Variants in CSF2 observed in about 807,000 individuals in gnomAD.
CSF2 encodes granulocyte-macrophage colony-stimulating factor.
In CSF2, 2 loss-of-function variants were observed where a neutral mutation model predicts 13.5. The observed-to-expected ratio is 0.15, with a 90% CI of 0.06 to 0.47. The LOEUF is 0.47. Among genes scored for constraint, CSF2 ranks in the 20% least tolerant of loss-of-function variants. The probability of loss-of-function intolerance (pLI) is 0.97; values close to 1 mark genes in which losing one functional copy is unlikely to be tolerated. For missense variants in CSF2, 141 were observed against 179.7 expected (o/e 0.78, Z 1.23); for synonymous variants, 66 against 69.2 (o/e 0.95, Z 0.23).
In CSF2 at chr5:132,075,750, T is replaced by A; in HGVS notation, c.333T>A (p.Thr111=). 6.2e-7 allele frequency: 1 copy of A among 1,606,986 alleles called. No homozygotes were observed. Among genetic ancestry groups the A allele is most frequent in the South Asian group, 1.1e-5 (1 of 91,050 alleles). The part of the protein sequence containing the change: ...YKQHCPPTPE[T]SCATQIITFE... ...TTATTTTTCTTTTTTTAAAGGAAAC[T>A]TCCTGTGCAACCCAGATTATCACCT... is the stretch of plus-strand genomic sequence containing the variant. The change falls in exon 4 of 4, where the codon ACT becomes ACA. Residue 111 remains threonine, a synonymous_variant. Coordinates refer to ENST00000296871, the MANE Select transcript of CSF2 (RefSeq NM_000758.4).
intron 3 of CSF2, 36 bp from the exon 4 acceptor site, chr5:132,075,709 T>G: frequency 6.6e-7 from 1 of 1,515,074 alleles, no homozygotes; most frequent in South Asian, 1.1e-5. Flanking sequence ...CCCACTTGCC[T>G]GGACTCAAGT....
chr5:132,075,893 CT>C lies in CSF2; in HGVS notation c.*42del, dbSNP rs780237469. ...GCTGGCCAAGCCGGGGAGCTGCTCT[CT>C]CATGAAACAAGAGCTAGAAACTCAG... On this transcript the variant is annotated 3_prime_UTR_variant, in exon 4 of 4. Transcript: ENST00000296871. 84 of 1,447,890 alleles carry C rather than the reference CT, an allele frequency of 5.8e-5. No individual in the cohort carries two copies. The African/African-American group carries it at 9.6e-4, about 17-fold the overall frequency. The allele number at this position is 1,447,890 out of a possible 1,614,324, so 89.7% of individuals were successfully genotyped here.
At position 132,074,904 on chromosome 5, in the gene CSF2, G is replaced by A. The variant is rs1561836307; in HGVS notation, c.296G>A (p.Ser99Asn). The A allele has an allele frequency of 1.2e-6, 2 of 1,613,616 alleles. No individual in the cohort carries two copies. Among genetic ancestry groups the A allele is most frequent in the Middle Eastern group, 1.7e-4 (1 of 6,050 alleles). ...AAGGGCCCCTTGACCATGATGGCCAGCCACTACAAGCAGCACTGCCCTCCA... is the reference window on the plus strand; with the variant it reads ...AAGGGCCCCTTGACCATGATGGCCAACCACTACAAGCAGCACTGCCCTCCA... Reference protein sequence around the residue: ...KLKGPLTMMASHYKQHCPPTP... With the variant: ...KLKGPLTMMANHYKQHCPPTP... The change falls in exon 3 of 4, where the codon AGC becomes AAC. Residue 99 changes from serine to asparagine, a missense_variant. Ser to Asn is a conservative substitution (Grantham distance 46). Coordinates refer to ENST00000296871, the MANE Select transcript of CSF2 (RefSeq NM_000758.4).
intron 3 of CSF2, among the ~76,000 whole-genome samples, chr5:132,075,386 G>A (rs1756691209): frequency 6.6e-6 from 1 of 152,268 alleles, no homozygotes; most frequent in Admixed American, 6.5e-5. Flanking sequence ...CCTGCGGGAA[G>A]GGAGCAAAGT....
intron 2 of CSF2, 85 bp downstream of exon 2, chr5:132,074,207 A>G: frequency 2.0e-6 from 3 of 1,465,512 alleles, no homozygotes; most frequent in South Asian, 2.3e-5. Context: ...GGCACCACAC[A>G]GGGTTGTCCA....
rs1756668653 is a variant in CSF2, at chr5:132,073,982, G to A, written c.159G>A (p.Met53Ile). 2.5e-6 allele frequency: 4 copies of A among 1,613,520 alleles called. No homozygotes were observed. In the South Asian group the frequency reaches 3.3e-5, roughly 13 times the overall value. ...TGAGTAGAGACACTGCTGCTGAGATGGTAAGTGAGAGAATGTGGGCCTGTG... is the reference window on the plus strand; with the variant it reads ...TGAGTAGAGACACTGCTGCTGAGATAGTAAGTGAGAGAATGTGGGCCTGTG... ...LNLSRDTAAEMNETVEVISEM... is the reference protein window; with the variant it reads ...LNLSRDTAAEINETVEVISEM... Residue 53 changes from methionine (M) to isoleucine (I), a missense_variant and splice_region_variant, in exon 1 of 4, where the codon ATG becomes ATA. Met to Ile is a conservative substitution (Grantham distance 10). Transcript: ENST00000296871.
intron 3 of CSF2, among the ~76,000 whole-genome samples, chr5:132,075,180 T>A (rs1290265622): frequency 6.6e-6 from 1 of 152,210 alleles, no homozygotes; most frequent in Non-Finnish European, 1.5e-5. Context: ...GTCATTATTG[T>A]CATTATGGTT....
Position 132,073,944 on chromosome 5 carries a change from C to A in CSF2, c.121C>A (p.Arg41Ser), listed in dbSNP as rs761215509. ...EHVNAIQEAR[R>S]LLNLSRDTAA... ...TGTGAATGCCATCCAGGAGGCCCGG[C>A]GTCTCCTGAACCTGAGTAGAGACAC... The change falls in exon 1 of 4, where the codon CGT becomes AGT. Residue 41 changes from arginine to serine, a missense_variant. Coordinates refer to ENST00000296871, the MANE Select transcript of CSF2 (RefSeq NM_000758.4). The A allele has an allele frequency of 2.5e-6, 4 of 1,613,318 alleles. No individual in the cohort carries two copies. Among genetic ancestry groups the A allele is most frequent in the Non-Finnish European group, 3.4e-6 (4 of 1,180,044 alleles).
intron 3 of CSF2, among the ~76,000 whole-genome samples, 185 bp downstream of exon 3, chr5:132,075,120 C>T (rs961650870): frequency 6.6e-6 from 1 of 152,228 alleles, no homozygotes; most frequent in Non-Finnish European, 1.5e-5. Flanking sequence ...GTCAGAGCCA[C>T]AGAGCGCTGA....
At chr5:132,074,250 G>T in intron 2 of CSF2, 128 bp downstream of exon 2, 3 of 1,117,820 alleles carry the variant, frequency 2.7e-6, no homozygotes, top group Admixed American at 1.9e-5. Flanking sequence ...GCAGGAGGAG[G>T]GGGTAGCAAC....
chr5:132,074,992 G>T (rs944284313), intron 3 of CSF2, 57 bp downstream of exon 3: 1 of 1,610,826 alleles, frequency 6.2e-7, no homozygotes, highest in Non-Finnish European at 8.5e-7. Context: ...GGGTGGGGTC[G>T]ACATGGGGAG....
intron 2 of CSF2, among the ~76,000 whole-genome samples, 172 bp downstream of exon 2, chr5:132,074,294 T>C (rs1436879265): frequency 6.6e-6 from 1 of 152,158 alleles, no homozygotes; most frequent in Non-Finnish European, 1.5e-5. Flanking sequence ...CGTGCCCCTA[T>C]GGCAGTCACA....
chr5:132,075,046 G>C, intron 3 of CSF2, 111 bp downstream of exon 3: 1 of 1,523,344 alleles, frequency 6.6e-7, no homozygotes, highest in South Asian at 1.1e-5. Context: ...GGGTTTCTGT[G>C]CCAACAGTTA....
At chr5:132,074,447 G>C (rs1756674294) in intron 2 of CSF2, among the ~76,000 whole-genome samples, 1 of 152,170 alleles carries the variant, frequency 6.6e-6, no homozygotes. Flanking sequence ...CCGAGACCAA[G>C]TCCTGTTGAG....
At chr5:132,074,026 C>T (rs1223020380) in intron 1 of CSF2, 44 bp downstream of exon 1, 2 of 1,613,718 alleles carry the variant, frequency 1.2e-6, no homozygotes, top group East Asian at 4.5e-5. Context: ...ACCCAGCTGG[C>T]CCCTGACTGG....
chr5:132,075,073 C>T, intron 3 of CSF2, 138 bp downstream of exon 3: 2 of 1,352,300 alleles, frequency 1.5e-6, no homozygotes, highest in Non-Finnish European at 2.1e-6. Flanking sequence ...GATTAGCCCT[C>T]CAGAGAGGAG....
intron 3 of CSF2, 59 bp downstream of exon 3, chr5:132,074,994 C>T: frequency 6.2e-7 from 1 of 1,610,944 alleles, no homozygotes; most frequent in Admixed American, 1.7e-5. Flanking sequence ...GTGGGGTCGA[C>T]ATGGGGAGAG....
In CSF2 at chr5:132,075,861, A is replaced by G; in HGVS notation, c.*9A>G. ...AGCCAGTCCAGGAGTGAGACCGGCC[A>G]GATGAGGCTGGCCAAGCCGGGGAGC... On this transcript the variant is annotated 3_prime_UTR_variant, in exon 4 of 4. Coordinates refer to ENST00000296871, the MANE Select transcript of CSF2 (RefSeq NM_000758.4). The G allele has an allele frequency of 1.9e-6, 3 of 1,597,538 alleles. No homozygotes were observed. The highest frequency in any genetic ancestry group is 1.7e-4 in the Middle Eastern group (1 of 6,034).
rs370362075 is a variant in CSF2, at chr5:132,074,010, T to C, written c.159+28T>C. 1.9e-6 allele frequency: 3 copies of C among 1,613,628 alleles called. No individual in the cohort carries two copies. In the African/African-American group the frequency reaches 4.0e-5, roughly 22 times the overall value. ...AAGTGAGAGAATGTGGGCCTGTGCC[T>C]AGGCCACCCAGCTGGCCCCTGACTG... On this transcript the variant is annotated intron_variant, in intron 1 of 3. Transcript: ENST00000296871.
Sources: gnomAD v4.1 joint callset for allele counts (sites outside exome capture counted in the v4.1 genomes callset) on GRCh38, gnomAD v4.1.1 for gene constraint, MANE v1.5 for transcripts, NCBI Gene and HGNC (gene_info 2026-07-23, HGNC 2026-07-21) for gene names.